JADE3: variants seen among roughly 807,000 people sequenced by gnomAD.
JADE3 encodes jade family PHD finger 3.
Under a neutral mutation model 50.1 loss-of-function variants are expected in JADE3, and 2 were observed. That is an observed-to-expected ratio of 0.04 (90% CI 0.02 to 0.13). JADE3 has a LOEUF of 0.13. Among genes scored for constraint, JADE3 ranks in the 10% least tolerant of loss-of-function variants. JADE3 has a pLI of 1.00. For missense variants in JADE3, 475 were observed against 634.4 expected (o/e 0.75, Z 2.70); for synonymous variants, 218 against 232.9 (o/e 0.94, Z 0.58).
At chrX:46,960,244 A>T (rs201489625) in intron 1 of JADE3, among the ~76,000 whole-genome samples, 1 of 110,153 alleles carries the variant, frequency 9.1e-6, no homozygotes, top group South Asian at 3.9e-4. Context: ...TGCAACAAAA[A>T]AAAAAAAAAT....
At chrX:47,011,197 T>C (rs1487453985) in intron 4 of JADE3, among the ~76,000 whole-genome samples, 3 of 112,741 alleles carry the variant, frequency 2.7e-5, no homozygotes, top group Non-Finnish European at 3.7e-5. Context: ...TCTGTTCTTA[T>C]GGAACTGCCC....
intron 4 of JADE3, among the ~76,000 whole-genome samples, chrX:47,012,362 G>T (rs1238646673): frequency 1.8e-5 from 2 of 110,838 alleles, no homozygotes; most frequent in African/African-American, 6.6e-5. Flanking sequence ...TGGGAGGATG[G>T]CTTGAAACCA....
Position 46,978,411 on chromosome X carries a change from G to A in JADE3, c.-11-6473G>A, listed in dbSNP as rs190830295. Among the ~76,000 whole-genome samples the A allele has an allele frequency of 2.4e-4, 27 of 111,297 alleles. No individual in the cohort carries two copies. The East Asian group carries it at 6.5e-3, about 27-fold the overall frequency. On this transcript the variant is annotated intron_variant, in intron 1 of 10. Transcript: ENST00000614628. ...GAGTGAATAATTGTGGGGGAGGGAC[G>A]TCTGGGAAGCTTCATCGAGGACATC...
At chrX:46,916,697 C>T (rs186000958) in intron 1 of JADE3, among the ~76,000 whole-genome samples, 73 of 112,213 alleles carry the variant, frequency 6.5e-4, no homozygotes, top group Non-Finnish European at 1.1e-3. Context: ...TCATTTAATT[C>T]ATTCAGCAAA....
chrX:46,957,840 G>A (rs1329319205), intron 1 of JADE3, among the ~76,000 whole-genome samples: 1 of 111,892 alleles, frequency 8.9e-6, no homozygotes, highest in Non-Finnish European at 1.9e-5. Context: ...CTGTCTAGCC[G>A]TTCTATTGAT....
At chrX:47,009,773 C>T (rs1475731243) in intron 4 of JADE3, among the ~76,000 whole-genome samples, 1 of 108,938 alleles carries the variant, frequency 9.2e-6, no homozygotes, top group African/African-American at 3.3e-5. Context: ...TACAGGCGCA[C>T]ACCACCGTAC....
chrX:47,031,891 A>G (rs1929026120), intron 6 of JADE3, among the ~76,000 whole-genome samples: 1 of 110,971 alleles, frequency 9.0e-6, no homozygotes, highest in African/African-American at 3.3e-5. Context: ...AAATTAAAGA[A>G]CACATGATGC....
chrX:46,932,053 G>T (rs781822597), intron 1 of JADE3, among the ~76,000 whole-genome samples: 1 of 112,175 alleles, frequency 8.9e-6, no homozygotes, highest in East Asian at 2.8e-4. Context: ...GTAAAAATAC[G>T]TAAGCACTAC....
Position 47,059,175 on chromosome X carries a change from G to T in JADE3, c.*98G>T. The T allele has an allele frequency of 1.7e-6, 1 of 587,339 alleles. No homozygotes were observed. The highest frequency in any genetic ancestry group is 2.6e-6 in the Non-Finnish European group (1 of 389,415). The allele number at this position is 587,339 out of a possible 1,213,427, so 48.4% of individuals were successfully genotyped here. A position where few individuals can be genotyped will look rare whatever the true frequency, so the allele number is the denominator to read the frequency against. On this transcript the variant is annotated 3_prime_UTR_variant, in exon 11 of 11. Coordinates refer to ENST00000614628, the MANE Select transcript of JADE3 (RefSeq NM_014735.5). ...ATTTTAGCATATGTTAAGAGGAATT[G>T]CAGTGAAAAGGATAACATTTTTCCA...
intron 1 of JADE3, among the ~76,000 whole-genome samples, chrX:46,926,021 A>AATTTT (rs201354375): frequency 0.089 from 7,153 of 79,930 alleles, 475 homozygotes; most frequent in African/African-American, 0.16. Context: ...ATGCCCAGCT[A>AATTTT]ATTTTATTTT....
intron 4 of JADE3, among the ~76,000 whole-genome samples, chrX:47,000,338 T>C (rs782082766): frequency 3.6e-5 from 4 of 111,124 alleles, no homozygotes; most frequent in Non-Finnish European, 7.5e-5. Context: ...CACCATTCCA[T>C]TGATACTCCG....
At chrX:47,055,390 C>G (rs1556373197) in intron 9 of JADE3, among the ~76,000 whole-genome samples, 2 of 111,304 alleles carry the variant, frequency 1.8e-5, no homozygotes, top group Non-Finnish European at 3.8e-5. Flanking sequence ...ATAGATTTGG[C>G]TCACTTTTAA....
At chrX:47,003,819 A>ATTATAAATTTATATATAT (rs1402621275) in intron 4 of JADE3, among the ~76,000 whole-genome samples, 2 of 101,276 alleles carry the variant, frequency 2.0e-5, no homozygotes, top group Non-Finnish European at 2.0e-5. Flanking sequence ...ATACACCAAA[A>ATTATAAATTTATATATAT]TTATAAATTT....
chrX:46,936,013 A>G (rs1450768666), intron 1 of JADE3, among the ~76,000 whole-genome samples: 5 of 61,144 alleles, frequency 8.2e-5, no homozygotes, highest in Non-Finnish European at 1.4e-4. Context: ...GGTTGAATAC[A>G]TTGATTTTTT....
At chrX:47,052,491 A>G (rs1929531949) in intron 8 of JADE3, among the ~76,000 whole-genome samples, 1 of 107,264 alleles carries the variant, frequency 9.3e-6, no homozygotes, top group South Asian at 4.2e-4. Context: ...AAAATTAGCC[A>G]GGTGTGGTGG....
At chrX:46,974,373 C>A (rs1026726818) in intron 1 of JADE3, among the ~76,000 whole-genome samples, 4 of 110,855 alleles carry the variant, frequency 3.6e-5, no homozygotes, top group African/African-American at 9.9e-5. Flanking sequence ...CCACTGTACT[C>A]CAGCTTGGGC....
chrX:46,932,460 A>G (rs1926517822), intron 1 of JADE3, among the ~76,000 whole-genome samples: 1 of 112,633 alleles, frequency 8.9e-6, no homozygotes, highest in South Asian at 3.7e-4. Context: ...AGGCCTATAT[A>G]TAGCAAGTCT....
At chrX:47,038,152 C>T (rs782619172) in intron 7 of JADE3, among the ~76,000 whole-genome samples, 5 of 112,078 alleles carry the variant, frequency 4.5e-5, no homozygotes, top group Non-Finnish European at 9.4e-5. Context: ...TTGAATAGTA[C>T]TCCATTGTAT....
At chrX:46,961,651 A>T (rs946322367) in intron 1 of JADE3, among the ~76,000 whole-genome samples, 1 of 111,665 alleles carries the variant, frequency 9.0e-6, no homozygotes, top group Non-Finnish European at 1.9e-5. Flanking sequence ...GAAATAGAGA[A>T]AGCTGGTTAT....
Sources: allele counts gnomAD v4.1 joint callset (sites outside exome capture counted in the v4.1 genomes callset), GRCh38; gene constraint gnomAD v4.1.1; transcripts MANE v1.5; gene names NCBI Gene and HGNC (gene_info 2026-07-23, HGNC 2026-07-21).